NKAIN3: variants seen among roughly 807,000 people sequenced by gnomAD.
NKAIN3 encodes the protein sodium/potassium-transporting ATPase subunit beta-1-interacting protein 3.
In NKAIN3, 25 loss-of-function variants were observed where a neutral mutation model predicts 30.2. The ratio of observed to expected loss-of-function variants is 0.83; its 90% confidence interval spans 0.60 to 1.16. NKAIN3 has a LOEUF of 1.16. Ranked by LOEUF, NKAIN3 falls within the 50% of genes most tolerant of loss-of-function variation. NKAIN3 has a pLI of 0.00. For synonymous variants in NKAIN3, 91 were observed against 89.6 expected, an observed-to-expected ratio of 1.02 and a Z score of -0.09; for missense variants, 225 against 254.1, an observed-to-expected ratio of 0.89 and a Z score of 0.78.
At chr8:62,710,250 G>T (rs968047380) in intron 3 of NKAIN3, among the ~76,000 whole-genome samples, 2 of 152,058 alleles carry the variant, frequency 1.3e-5, no homozygotes, top group African/African-American at 2.4e-5. Context: ...TTGTTCCAAG[G>T]TGTAGTTTAA....
chr8:62,724,179 C>T (rs1217510759), intron 3 of NKAIN3, among the ~76,000 whole-genome samples: 1 of 151,902 alleles, frequency 6.6e-6, no homozygotes, highest in Non-Finnish European at 1.5e-5. Flanking sequence ...TCGCTTATTT[C>T]GATTATACAT....
intron 1 of NKAIN3, among the ~76,000 whole-genome samples, chr8:62,491,460 C>A (rs987631572): frequency 3.3e-5 from 5 of 152,148 alleles, no homozygotes; most frequent in Admixed American, 6.5e-5. Context: ...AACTAGCCCC[C>A]ACATGTGAAT....
At chr8:62,376,203 G>A (rs1817078570) in intron 1 of NKAIN3, among the ~76,000 whole-genome samples, 1 of 152,140 alleles carries the variant, frequency 6.6e-6, no homozygotes, top group Admixed American at 6.5e-5. Flanking sequence ...TGTGCTCTAT[G>A]TTTGCAGATC....
intron 3 of NKAIN3, among the ~76,000 whole-genome samples, chr8:62,592,546 A>G (rs1176824470): frequency 6.6e-6 from 1 of 152,024 alleles, no homozygotes; most frequent in African/African-American, 2.4e-5. Context: ...TAAGAAACCA[A>G]AGCAGATGTT....
intron 4 of NKAIN3, among the ~76,000 whole-genome samples, chr8:62,832,964 T>G (rs1819242464): frequency 6.6e-6 from 1 of 151,956 alleles, no homozygotes; most frequent in Non-Finnish European, 1.5e-5. Flanking sequence ...CTCAATAAAT[T>G]CAACAAAACT....
chr8:62,786,090 GA>G (rs1364053100), intron 4 of NKAIN3, among the ~76,000 whole-genome samples: 4 of 151,806 alleles, frequency 2.6e-5, no homozygotes, highest in Non-Finnish European at 5.9e-5. Flanking sequence ...GCAACAAAAA[GA>G]AAAAAGTGCT....
At chr8:62,742,210 C>T (rs925291843) in intron 3 of NKAIN3, among the ~76,000 whole-genome samples, 1 of 151,910 alleles carries the variant, frequency 6.6e-6, no homozygotes, top group Non-Finnish European at 1.5e-5. Context: ...GCTTAAATAA[C>T]ATCTTCAACT....
intron 1 of NKAIN3, among the ~76,000 whole-genome samples, chr8:62,318,060 A>T (rs969104559): frequency 9.2e-5 from 14 of 152,292 alleles, no homozygotes; most frequent in African/African-American, 3.4e-4. Context: ...GAATTTACTC[A>T]TGATTTGGCT....
chr8:62,884,244 G>T (rs1384060567), intron 4 of NKAIN3, among the ~76,000 whole-genome samples: 1 of 149,610 alleles, frequency 6.7e-6, no homozygotes, highest in African/African-American at 2.5e-5. Context: ...TCTATTTTCT[G>T]GAACAGATTT....
intron 4 of NKAIN3, among the ~76,000 whole-genome samples, chr8:62,899,432 A>C (rs1286885414): frequency 6.6e-6 from 1 of 152,170 alleles, no homozygotes; most frequent in Non-Finnish European, 1.5e-5. Context: ...AGATCTTGTC[A>C]TTTGCAACAA....
At chr8:62,959,609 C>A (rs1159181313) in intron 6 of NKAIN3, among the ~76,000 whole-genome samples, 1 of 152,122 alleles carries the variant, frequency 6.6e-6, no homozygotes, top group African/African-American at 2.4e-5. Context: ...TTTCATTTGT[C>A]CTTAATTAGC....
chr8:62,807,134 A>C lies in NKAIN3; in HGVS notation c.471+60005A>C, dbSNP rs184144883. ...AATTTGTGCACATATGCATTTGTGA[A>C]GATTTAGAATTTATGGATATTTGTT... On this transcript the variant is annotated intron_variant, in intron 4 of 6. Coordinates refer to ENST00000623646, the MANE Select transcript of NKAIN3 (RefSeq NM_001304533.3). Among the ~76,000 whole-genome samples, 203 of 152,324 alleles carry C rather than the reference A, an allele frequency of 1.3e-3. 1 individual carries two copies. Among genetic ancestry groups the C allele is most frequent in the African/African-American group, 3.5e-3 (147 of 41,578 alleles).
At chr8:62,315,372 C>T (rs1157325767) in intron 1 of NKAIN3, among the ~76,000 whole-genome samples, 1 of 152,102 alleles carries the variant, frequency 6.6e-6, no homozygotes, top group African/African-American at 2.4e-5. Flanking sequence ...TTCCAGGGTA[C>T]CCCTGGGATT....
rs1015652160 is a variant in NKAIN3 at position 62,447,543 on chromosome 8, T to A, written c.55-131996T>A. ...GTCAGTAATTATCTCAGATTCTCCA[T>A]GAGAAGAGAATAATTGGACACAATA... On this transcript the variant is annotated intron_variant, in intron 1 of 6. Transcript: ENST00000623646. Among the ~76,000 whole-genome samples the A allele has an allele frequency of 3.9e-5, 6 of 152,170 alleles. No homozygotes were observed. The East Asian group carries it at 1.2e-3, about 29-fold the overall frequency.
chr8:62,537,812 T>A (rs950061310), intron 1 of NKAIN3, among the ~76,000 whole-genome samples: 1 of 152,176 alleles, frequency 6.6e-6, no homozygotes, highest in Admixed American at 6.5e-5. Flanking sequence ...TGACTCAAAG[T>A]TGGCATACTT....
At chr8:62,777,916 A>G (rs928846152) in intron 4 of NKAIN3, among the ~76,000 whole-genome samples, 2 of 152,128 alleles carry the variant, frequency 1.3e-5, no homozygotes, top group African/African-American at 4.8e-5. Context: ...TGTCAGCATT[A>G]GGAGACATTC....
At chr8:62,930,552 C>T (rs1822587116) in intron 5 of NKAIN3, among the ~76,000 whole-genome samples, 1 of 151,726 alleles carries the variant, frequency 6.6e-6, no homozygotes, top group Non-Finnish European at 1.5e-5. Context: ...CAGCGACCTG[C>T]CCTCTATTCT....
intron 6 of NKAIN3, among the ~76,000 whole-genome samples, chr8:62,957,328 G>T (rs1823445924): frequency 6.6e-6 from 1 of 152,154 alleles, no homozygotes; most frequent in Non-Finnish European, 1.5e-5. Flanking sequence ...TAGAGACGGG[G>T]TTTCACCGTG....
At chr8:62,320,835 A>G (rs1167938906) in intron 1 of NKAIN3, among the ~76,000 whole-genome samples, 1 of 152,128 alleles carries the variant, frequency 6.6e-6, no homozygotes, top group Non-Finnish European at 1.5e-5. Context: ...CTCAAGGAGT[A>G]TCCTTGTGGC....
Sources: allele counts gnomAD v4.1 joint callset (sites outside exome capture counted in the v4.1 genomes callset), GRCh38; gene constraint gnomAD v4.1.1; transcripts MANE v1.5; gene names NCBI Gene and HGNC (gene_info 2026-07-23, HGNC 2026-07-21).